The following KIF6 variants were observed in gnomAD, a reference collection of about 807,000 sequenced individuals.
KIF6 encodes the protein kinesin family member 6, also known as kinesin-like protein KIF6.
In KIF6, 106 loss-of-function variants were observed where a neutral mutation model predicts 112.7. That is an observed-to-expected ratio of 0.94 (90% CI 0.80 to 1.11). The LOEUF (loss-of-function observed/expected upper bound fraction) is 1.11, where lower values mean the gene tolerates loss of function less well. KIF6 is among the 50% of genes least tolerant of loss of function. KIF6 has a pLI of 0.00. For synonymous variants in KIF6, 339 were observed against 339.9 expected (o/e 1.00, Z 0.03); for missense variants, 929 against 964.0 (o/e 0.96, Z 0.48).
intron 3 of KIF6, among the ~76,000 whole-genome samples, chr6:39,657,308 A>T (rs967475953): frequency 2.0e-5 from 3 of 152,126 alleles, no homozygotes; most frequent in Non-Finnish European, 2.9e-5. Flanking sequence ...TCTTAAGCCT[A>T]GGTCAGGGTA....
At chr6:39,641,649 TA>T (rs199654983) in intron 3 of KIF6, among the ~76,000 whole-genome samples, 57 of 144,244 alleles carry the variant, frequency 4.0e-4, no homozygotes, top group East Asian at 1.0e-3. Flanking sequence ...ATAATATATA[TA>T]AAAAAAAGCC....
intron 5 of KIF6, among the ~76,000 whole-genome samples, chr6:39,633,343 A>G (rs1391558042): frequency 1.3e-5 from 2 of 152,136 alleles, no homozygotes; most frequent in Non-Finnish European, 2.9e-5. Context: ...GTAACATAAT[A>G]TATAGAAAAA....
chr6:39,484,149 T>C (rs1357188964), intron 13 of KIF6, among the ~76,000 whole-genome samples: 1 of 152,190 alleles, frequency 6.6e-6, no homozygotes, highest in African/African-American at 2.4e-5. Flanking sequence ...CATGTGCACA[T>C]GGCCGTTTCC....
intron 13 of KIF6, among the ~76,000 whole-genome samples, chr6:39,450,831 G>T (rs1302945859): frequency 6.6e-6 from 1 of 152,122 alleles, no homozygotes. Context: ...AAAGAAGCAA[G>T]AAAAATCACT....
chr6:39,430,099 C>T (rs562827608), intron 14 of KIF6, among the ~76,000 whole-genome samples: 11 of 152,174 alleles, frequency 7.2e-5, no homozygotes, highest in South Asian at 4.2e-4. Flanking sequence ...TTCTTGGAGC[C>T]GGCTCTCCTC....
chr6:39,437,353 A>G (rs1226215608), intron 13 of KIF6, among the ~76,000 whole-genome samples: 1 of 152,216 alleles, frequency 6.6e-6, no homozygotes, highest in Non-Finnish European at 1.5e-5. Flanking sequence ...TTTGGATAAA[A>G]GCAAGGATTT....
At chr6:39,366,277 G>C (rs1214762346) in intron 16 of KIF6, among the ~76,000 whole-genome samples, 3 of 152,196 alleles carry the variant, frequency 2.0e-5, no homozygotes, top group African/African-American at 7.2e-5. Context: ...GGAAGACCAA[G>C]GCTTAGGGTG....
intron 13 of KIF6, among the ~76,000 whole-genome samples, chr6:39,501,868 C>A (rs1158454221): frequency 6.6e-6 from 1 of 151,984 alleles, no homozygotes; most frequent in African/African-American, 2.4e-5. Context: ...ATTGATATAC[C>A]TAAAAGAGAC....
At chr6:39,447,941 G>A (rs1158735226) in intron 13 of KIF6, among the ~76,000 whole-genome samples, 1 of 152,160 alleles carries the variant, frequency 6.6e-6, no homozygotes, top group Non-Finnish European at 1.5e-5. Context: ...ACAGCAATAA[G>A]GTTAGGGAAC....
chr6:39,369,111 T>C (rs932535605), intron 16 of KIF6, among the ~76,000 whole-genome samples: 3 of 152,336 alleles, frequency 2.0e-5, no homozygotes, highest in East Asian at 1.9e-4. Context: ...CGGAGATTGA[T>C]GGTGTTCATA....
chr6:39,491,994 A>C (rs1411507988), intron 13 of KIF6, among the ~76,000 whole-genome samples: 2 of 152,222 alleles, frequency 1.3e-5, no homozygotes, highest in Non-Finnish European at 2.9e-5. Flanking sequence ...GAAGAATTTT[A>C]AAGGATCCGG....
chr6:39,429,647 T>A (rs9369116), intron 14 of KIF6, among the ~76,000 whole-genome samples: 10 of 152,342 alleles, frequency 6.6e-5, no homozygotes, highest in African/African-American at 1.9e-4. Flanking sequence ...CAGTGGCTCA[T>A]GCCTGTAATC....
intron 10 of KIF6, among the ~76,000 whole-genome samples, chr6:39,566,879 T>C (rs1051338734): frequency 3.9e-5 from 6 of 152,208 alleles, no homozygotes; most frequent in African/African-American, 1.4e-4. Context: ...AGGTGTAAAA[T>C]CAGCAAGTGA....
At chr6:39,700,724 T>A (rs1788832071) in intron 3 of KIF6, among the ~76,000 whole-genome samples, 1 of 152,212 alleles carries the variant, frequency 6.6e-6, no homozygotes, top group African/African-American at 2.4e-5. Flanking sequence ...TTAATTTTTT[T>A]TTTTTTTGAG....
chr6:39,581,010 T>C (rs1781258292), intron 9 of KIF6, among the ~76,000 whole-genome samples: 1 of 152,168 alleles, frequency 6.6e-6, no homozygotes, highest in Non-Finnish European at 1.5e-5. Flanking sequence ...CTTCCTATCA[T>C]AATGCAAAAT....
intron 2 of KIF6, 106 bp from the exon 3 acceptor site, chr6:39,714,872 T>A: frequency 1.4e-6 from 1 of 740,296 alleles, no homozygotes; most frequent in East Asian, 2.7e-5. Context: ...CATATTTACA[T>A]CACTGGGCTT....
chr6:39,361,177 C>T lies in KIF6; in HGVS notation c.1947-647G>A, dbSNP rs866928313. 3.9e-5 allele frequency among the ~76,000 whole-genome samples: 6 copies of T among 152,090 alleles called. No individual in the cohort carries two copies. In the Middle Eastern group the frequency reaches 0.01, roughly 259 times the overall value. ...ATAGGAAACAGTCCAATAGCCAGGC[C>T]GAAGAGATAAGTTGGCCTCTAAGGT... On this transcript the variant is annotated intron_variant, in intron 17 of 22. Transcript: ENST00000287152.
intron 15 of KIF6, among the ~76,000 whole-genome samples, chr6:39,397,463 G>C (rs1337773279): frequency 6.6e-6 from 1 of 152,138 alleles, no homozygotes; most frequent in Non-Finnish European, 1.5e-5. Flanking sequence ...GAGAGGTGGA[G>C]ATGGACATCC....
intron 20 of KIF6, 148 bp from the exon 21 acceptor site, chr6:39,345,937 G>A: frequency 1.6e-6 from 1 of 624,840 alleles, no homozygotes; most frequent in Non-Finnish European, 2.8e-6. Context: ...TGATGGCATT[G>A]GGCAGTGGGG....
Sources: allele counts gnomAD v4.1 joint callset (sites outside exome capture counted in the v4.1 genomes callset), GRCh38; gene constraint gnomAD v4.1.1; transcripts MANE v1.5; gene names NCBI Gene and HGNC (gene_info 2026-07-23, HGNC 2026-07-21).